Variants in TJP1 observed in about 807,000 individuals in gnomAD.
The protein encoded by TJP1 is tight junction protein ZO-1.
In TJP1, 43 loss-of-function variants were observed where a neutral mutation model predicts 194.2. The ratio of observed to expected loss-of-function variants is 0.22; its 90% CI spans 0.17 to 0.29. The LOEUF (loss-of-function observed/expected upper bound fraction) is 0.29. Among genes scored for constraint, TJP1 ranks in the 10% least tolerant of loss-of-function variants. The probability of loss-of-function intolerance (pLI) is 1.00; values close to 1 mark genes in which losing one functional copy is unlikely to be tolerated. For synonymous variants in TJP1, 801 were observed against 779.0 expected, an observed-to-expected ratio of 1.03 and a Z score of -0.47; for missense variants, 1,971 against 2,185.7, an observed-to-expected ratio of 0.90 and a Z score of 1.96.
intron 1 of TJP1, among the ~76,000 whole-genome samples, chr15:29,804,441 A>C (rs1216697657): frequency 6.6e-6 from 1 of 152,200 alleles, no homozygotes; most frequent in African/African-American, 2.4e-5. Flanking sequence ...ATTAACCACT[A>C]TTTTAATGAG....
At chr15:29,956,891 GT>G (rs59530998) in intron 1 of TJP1, among the ~76,000 whole-genome samples, 65,557 of 151,238 alleles carry the variant, frequency 0.43, 14,608 homozygotes, top group East Asian at 0.79. Context: ...CATTTATAAG[GT>G]TTTTTTTTAA....
intron 2 of TJP1, among the ~76,000 whole-genome samples, chr15:29,932,921 T>C (rs970461842): frequency 6.6e-6 from 1 of 152,226 alleles, no homozygotes; most frequent in Admixed American, 6.5e-5. Context: ...GAAAACAATT[T>C]AATGATTAAT....
At chr15:29,957,568 C>T (rs749530089) in intron 1 of TJP1, among the ~76,000 whole-genome samples, 11 of 152,144 alleles carry the variant, frequency 7.2e-5, no homozygotes, top group Non-Finnish European at 1.6e-4. Context: ...ACGTTCTTCC[C>T]ATAATAATCC....
intron 2 of TJP1, among the ~76,000 whole-genome samples, chr15:29,950,042 T>A (rs866343605): frequency 1.6e-3 from 21 of 12,820 alleles, no homozygotes; most frequent in Non-Finnish European, 2.1e-3. Flanking sequence ...CACCACCACC[T>A]CCACCACCAC....
intron 2 of TJP1, among the ~76,000 whole-genome samples, chr15:29,838,992 C>CT (rs760557407): frequency 0.61 from 51,192 of 83,760 alleles, 17,186 homozygotes; most frequent in East Asian, 0.74. Flanking sequence ...AAAAATTCAC[C>CT]TTTTTTTTTT....
At chr15:29,883,885 G>A (rs2053024325) in intron 2 of TJP1, among the ~76,000 whole-genome samples, 2 of 152,174 alleles carry the variant, frequency 1.3e-5, no homozygotes, top group Non-Finnish European at 1.5e-5. Context: ...CACAGGGTTT[G>A]ACAGTCTTAT....
intron 2 of TJP1, among the ~76,000 whole-genome samples, chr15:29,776,295 A>C (rs1337411985): frequency 6.6e-6 from 1 of 152,188 alleles, no homozygotes; most frequent in African/African-American, 2.4e-5. Flanking sequence ...TATCTCCAAG[A>C]TCCTGAAAAA....
Position 29,730,029 on chromosome 15 carries a change from A to G in TJP1, c.2018-2010T>C, listed in dbSNP as rs575144330. ...CTGTATCTTTTGTAATAGTAATATA[A>G]ATTCGAAACAAACGATATAAAAAAA... On this transcript the variant is annotated intron_variant, in intron 15 of 27. Transcript: ENST00000614355. Among the ~76,000 whole-genome samples, 5 of 152,298 alleles carry G rather than the reference A, an allele frequency of 3.3e-5. No individual in the cohort carries two copies. The South Asian group carries it at 1.0e-3, about 32-fold the overall frequency.
chr15:29,922,107 A>C (rs2054384494), intron 2 of TJP1, among the ~76,000 whole-genome samples: 1 of 152,116 alleles, frequency 6.6e-6, no homozygotes, highest in Non-Finnish European at 1.5e-5. Context: ...CTAGGCTCCC[A>C]AAGTGTCGGG....
At chr15:29,731,148 G>A (rs1053438462) in intron 15 of TJP1, among the ~76,000 whole-genome samples, 5 of 151,676 alleles carry the variant, frequency 3.3e-5, no homozygotes. Context: ...TTGGGGGAAG[G>A]GGCATATGTC....
rs190651437 is a variant in TJP1 at position 29,903,820 on chromosome 15, A to G, written c.306+52412T>C. Among the ~76,000 whole-genome samples the G allele has an allele frequency of 2.1e-3, 327 of 152,346 alleles. 1 individual carries two copies. Among genetic ancestry groups the G allele is most frequent in the African/African-American group, 7.5e-3 (313 of 41,592 alleles). On this transcript the variant is annotated intron_variant, in intron 2 of 28. Transcript: ENST00000356107. ...CTGAAATCAGGGGAACTTCGGGGAA[A>G]AAGCAGCAATCTAAGTAGACCACAG...
chr15:29,727,886 C>T (rs1488201248), intron 16 of TJP1, 51 bp downstream of exon 16: 1 of 1,485,280 alleles, frequency 6.7e-7, no homozygotes, highest in Non-Finnish European at 9.4e-7. Flanking sequence ...AATCCCATCC[C>T]ACTCAAAACC....
chr15:29,968,019 A>G, intron 1 of TJP1: 5 of 965,250 alleles, frequency 5.2e-6, no homozygotes, highest in Non-Finnish European at 6.2e-6. Flanking sequence ...ATAAAATGCA[A>G]TATACAATCC....
At chr15:29,786,691 AG>A (rs2047721681) in intron 2 of TJP1, among the ~76,000 whole-genome samples, 1 of 151,984 alleles carries the variant, frequency 6.6e-6, no homozygotes, top group African/African-American at 2.4e-5. Flanking sequence ...GTGTAGAGAT[AG>A]GGTCTCACTA....
intron 1 of TJP1, among the ~76,000 whole-genome samples, chr15:29,816,841 C>A (rs2049959469): frequency 6.6e-6 from 1 of 152,052 alleles, no homozygotes; most frequent in Non-Finnish European, 1.5e-5. Flanking sequence ...ATGTAAAACC[C>A]AAAACCATAA....
chr15:29,850,302 A>T (rs1210388064), intron 2 of TJP1, among the ~76,000 whole-genome samples: 1 of 152,172 alleles, frequency 6.6e-6, no homozygotes, highest in African/African-American at 2.4e-5. Context: ...ATATTATTTT[A>T]GAGACTTTGT....
intron 5 of TJP1, among the ~76,000 whole-genome samples, chr15:29,765,718 CCT>C (rs2046290637): frequency 6.6e-6 from 1 of 152,042 alleles, no homozygotes; most frequent in Non-Finnish European, 1.5e-5. Context: ...CGGCAAAAAC[CCT>C]GTCTCTACCC....
chr15:29,920,616 G>A (rs1195522462), intron 2 of TJP1, among the ~76,000 whole-genome samples: 1 of 152,152 alleles, frequency 6.6e-6, no homozygotes, highest in African/African-American at 2.4e-5. Context: ...TTGCAGTTTT[G>A]TTCTAAGAGC....
chr15:29,967,231 T>C (rs1381053305), intron 1 of TJP1, among the ~76,000 whole-genome samples: 1 of 152,096 alleles, frequency 6.6e-6, no homozygotes. Context: ...AGATGGGGTT[T>C]CACCATGTTG....
Sources: gnomAD v4.1 joint callset for allele counts (sites outside exome capture counted in the v4.1 genomes callset) on GRCh38, gnomAD v4.1.1 for gene constraint, MANE v1.5 for transcripts, NCBI Gene and HGNC (gene_info 2026-07-23, HGNC 2026-07-21) for gene names.